The following ANKH variants were observed in gnomAD, a reference collection of about 807,000 sequenced individuals.
The protein encoded by ANKH is mineralization regulator ANKH.
A neutral mutation model predicts 49.0 loss-of-function variants in ANKH; 15 were observed. The observed-to-expected ratio is 0.31, with a 90% CI of 0.20 to 0.47. The LOEUF (loss-of-function observed/expected upper bound fraction) is 0.47. Among genes scored for constraint, ANKH ranks in the 20% least tolerant of loss-of-function variants. The pLI is 1.00. For missense variants in ANKH, 429 were observed against 652.0 expected, an observed-to-expected ratio of 0.66 and a Z score of 3.72; for synonymous variants, 273 against 260.0, an observed-to-expected ratio of 1.05 and a Z score of -0.48.
chr5:14,797,407 T>C (rs1255173712), intron 1 of ANKH: 3 of 1,611,042 alleles, frequency 1.9e-6, no homozygotes, highest in Non-Finnish European at 2.5e-6. Flanking sequence ...GAAGCTAAAA[T>C]AGTCTCATTG....
chr5:14,845,917 G>A (rs139094570), intron 1 of ANKH, among the ~76,000 whole-genome samples: 247 of 142,466 alleles, frequency 1.7e-3, no homozygotes, highest in African/African-American at 6.1e-3. Flanking sequence ...GTACAATGGC[G>A]CAATCTCAGC....
Position 14,756,078 on chromosome 5 carries a change from T to C in ANKH, c.433-134A>G, listed in dbSNP as rs532427732. On this transcript the variant is annotated intron_variant, in intron 3 of 11. Transcript: ENST00000284268. ...GCCTTAGCAGCCCAGGTCTGATAAA[T>C]CTTTGGTTGGTAAAATTACTGTAAC... The C allele has an allele frequency of 7.2e-5, 56 of 778,890 alleles. No individual in the cohort carries two copies. The African/African-American group carries it at 8.6e-4, about 12-fold the overall frequency. 48.2% of individuals were successfully genotyped at this position (778,890 alleles called of 1,614,324 possible).
At chr5:14,802,689 C>T (rs1740599552) in intron 1 of ANKH, among the ~76,000 whole-genome samples, 1 of 152,034 alleles carries the variant, frequency 6.6e-6, no homozygotes, top group South Asian at 2.1e-4. Flanking sequence ...TTCTTCCCTC[C>T]CCCTCAGCCA....
At chr5:14,829,797 T>C (rs190324419) in intron 1 of ANKH, among the ~76,000 whole-genome samples, 16 of 152,332 alleles carry the variant, frequency 1.1e-4, no homozygotes, top group Admixed American at 3.9e-4. Context: ...TCAGGATAAA[T>C]AGAAGACATA....
chr5:14,763,120 G>A (rs10475028), intron 2 of ANKH, among the ~76,000 whole-genome samples: 12,567 of 152,160 alleles, frequency 0.083, 1,002 homozygotes, highest in African/African-American at 0.21. Flanking sequence ...AGGAGCTGTT[G>A]CAAACCATAA....
chr5:14,712,214 T>G (rs1188571831), intron 11 of ANKH, among the ~76,000 whole-genome samples: 1 of 152,218 alleles, frequency 6.6e-6, no homozygotes, highest in Non-Finnish European at 1.5e-5. Flanking sequence ...GAGATGCACG[T>G]CACGCACCGT....
chr5:14,805,466 CACATATATGTTTATAGGAT>C (rs1740681574), intron 1 of ANKH, among the ~76,000 whole-genome samples: 2 of 69,352 alleles, frequency 2.9e-5, no homozygotes, highest in Non-Finnish European at 5.3e-5. Context: ...TATGTACACA[CACATATATGTTTATAGGAT>C]ACACACACAC....
intron 2 of ANKH, among the ~76,000 whole-genome samples, chr5:14,767,969 A>G (rs1170765951): frequency 6.6e-6 from 1 of 152,200 alleles, no homozygotes; most frequent in African/African-American, 2.4e-5. Flanking sequence ...CACAAATTAA[A>G]GGATCAATAT....
At chr5:14,717,277 C>A (rs557867972) in intron 8 of ANKH, among the ~76,000 whole-genome samples, 1 of 152,302 alleles carries the variant, frequency 6.6e-6, no homozygotes, top group South Asian at 2.1e-4. Flanking sequence ...CACGCAGAAT[C>A]AGCACACATA....
intron 8 of ANKH, among the ~76,000 whole-genome samples, chr5:14,738,926 T>G: frequency 6.6e-6 from 1 of 152,226 alleles, no homozygotes; most frequent in East Asian, 1.9e-4. Context: ...TTGATTCCTG[T>G]GTTTGTTAAC....
intron 1 of ANKH, chr5:14,797,261 G>A: frequency 1.4e-6 from 2 of 1,419,252 alleles, no homozygotes; most frequent in South Asian, 1.1e-5. Context: ...GATTCCAGGA[G>A]AAATCAGGTA....
chr5:14,846,333 T>C (rs1741959099), intron 1 of ANKH, among the ~76,000 whole-genome samples: 1 of 152,176 alleles, frequency 6.6e-6, no homozygotes, highest in Non-Finnish European at 1.5e-5. Context: ...TAATTTTCCG[T>C]ACAGGCAATG....
At chr5:14,844,742 C>T (rs550483041) in intron 1 of ANKH, among the ~76,000 whole-genome samples, 1 of 152,340 alleles carries the variant, frequency 6.6e-6, no homozygotes, top group South Asian at 2.1e-4. Context: ...TGCTTGGCAG[C>T]ACACTCCTCA....
At chr5:14,782,389 G>C (rs1010010286) in intron 1 of ANKH, among the ~76,000 whole-genome samples, 7 of 152,020 alleles carry the variant, frequency 4.6e-5, no homozygotes, top group South Asian at 4.2e-4. Context: ...ACTCATCCAG[G>C]GTGGACACAA....
At chr5:14,849,985 C>G (rs546029155) in intron 1 of ANKH, among the ~76,000 whole-genome samples, 2 of 152,150 alleles carry the variant, frequency 1.3e-5, no homozygotes, top group African/African-American at 4.8e-5. Flanking sequence ...TAACCAGCAC[C>G]GCTTCAGTAC....
At chr5:14,715,288 C>T (rs560902617) in intron 9 of ANKH, among the ~76,000 whole-genome samples, 2 of 152,172 alleles carry the variant, frequency 1.3e-5, no homozygotes, top group South Asian at 2.1e-4. Flanking sequence ...TGCGCCACCA[C>T]GCCTGGCTAA....
chr5:14,870,219 C>T (rs149371997), intron 1 of ANKH: 11 of 152,258 alleles, frequency 7.2e-5, no homozygotes, highest in Middle Eastern at 3.4e-3. Context: ...AAGTAGCTTA[C>T]AATGTGGGCT....
chr5:14,841,234 T>G (rs771808156), intron 1 of ANKH, among the ~76,000 whole-genome samples: 35 of 151,882 alleles, frequency 2.3e-4, no homozygotes, highest in Non-Finnish European at 4.4e-4. Context: ...ATAAAATATG[T>G]GATAATATTT....
chr5:14,836,026 A>G (rs1462059110), intron 1 of ANKH, among the ~76,000 whole-genome samples: 4 of 152,238 alleles, frequency 2.6e-5, no homozygotes, highest in Non-Finnish European at 1.5e-5. Context: ...CCACATGATT[A>G]TCTCCATAGC....
Sources: allele counts gnomAD v4.1 joint callset (sites outside exome capture counted in the v4.1 genomes callset), GRCh38; gene constraint gnomAD v4.1.1; transcripts MANE v1.5; gene names NCBI Gene and HGNC (gene_info 2026-07-23, HGNC 2026-07-21).